Variants in CAND1 observed in about 807,000 individuals in gnomAD.
CAND1 encodes cullin-associated NEDD8-dissociated protein 1.
Under a neutral mutation model 108.5 loss-of-function variants are expected in CAND1, and 7 were observed. The ratio of observed to expected loss-of-function variants is 0.06; its 90% CI spans 0.04 to 0.12. CAND1 has a LOEUF of 0.12. Ranked by LOEUF, CAND1 falls within the 10% of genes least tolerant of loss-of-function variation. The pLI, the probability that CAND1 is intolerant of heterozygous loss-of-function variation, is 1.00. For missense variants in CAND1, 941 were observed against 1,448.7 expected (o/e 0.65, Z 5.69); for synonymous variants, 534 against 512.0 (o/e 1.04, Z -0.58).
intron 8 of CAND1, among the ~76,000 whole-genome samples, chr12:67,303,298 A>G (rs1051358648): frequency 1.3e-5 from 2 of 152,246 alleles, no homozygotes; most frequent in African/African-American, 2.4e-5. Flanking sequence ...CAAAACAGAT[A>G]TTGCCAGGGA....
intron 1 of CAND1, among the ~76,000 whole-genome samples, chr12:67,275,429 A>AGGCAGT (rs2044560046): frequency 2.0e-5 from 3 of 151,908 alleles, no homozygotes; most frequent in Non-Finnish European, 4.4e-5. Context: ...CGCGAGGCTG[A>AGGCAGT]GGCAGCAGAA....
In CAND1 at chr12:67,305,030, A is replaced by G. The variant is rs1054631425; in HGVS notation, c.1436-74A>G. On this transcript the variant is annotated intron_variant, in intron 9 of 14. Coordinates refer to ENST00000545606, the MANE Select transcript of CAND1 (RefSeq NM_018448.5). This position sits in a 1 kb window ranked among gnomAD's most constrained non-coding sequence, Gnocchi z 4.4. ...ATGAAGTGGGAACATTAGCAGTACT[A>G]TAGGGGTTGATTTTTAATTTTTCTT... The G allele has an allele frequency of 1.9e-5, 24 of 1,246,140 alleles. No individual in the cohort carries two copies. Among genetic ancestry groups the G allele is most frequent in the African/African-American group, 7.5e-5 (5 of 66,522 alleles). The allele number at this position is 1,246,140 out of a possible 1,614,324, so 77.2% of individuals were successfully genotyped here.
chr12:67,290,394 C>G (rs992952265), intron 2 of CAND1, among the ~76,000 whole-genome samples: 1 of 151,942 alleles, frequency 6.6e-6, no homozygotes, highest in Non-Finnish European at 1.5e-5. Flanking sequence ...ACTTGTAGTC[C>G]CAGCTACTTG....
Position 67,314,975 on chromosome 12 carries a change from G to A in CAND1, c.*2145G>A, listed in dbSNP as rs1242870635. On this transcript the variant is annotated 3_prime_UTR_variant, in exon 15 of 15. Coordinates refer to ENST00000545606, the MANE Select transcript of CAND1 (RefSeq NM_018448.5). ...GTGGTCCAGATACTGGAATGGAAGT[G>A]GCAGGATGTGGAGTCCAGACATAGT... 6.6e-6 allele frequency: 1 copy of A among 152,158 alleles called. No homozygotes were observed. Among genetic ancestry groups the A allele is most frequent in the African/African-American group, 2.4e-5 (1 of 41,426 alleles). The allele number at this position is 152,158 out of a possible 1,614,324, so 9.4% of individuals were successfully genotyped here.
intron 1 of CAND1, among the ~76,000 whole-genome samples, chr12:67,279,942 A>G (rs1033375742): frequency 2.0e-5 from 3 of 152,182 alleles, no homozygotes; most frequent in Non-Finnish European, 4.4e-5. Flanking sequence ...GTTTAAGTAA[A>G]ACAGTTAAGA....
chr12:67,292,613 G>T lies in CAND1; in HGVS notation c.213-9G>T, dbSNP rs754030557. On this transcript the variant is annotated splice_polypyrimidine_tract_variant and intron_variant, in intron 2 of 14. Coordinates refer to ENST00000545606, the MANE Select transcript of CAND1 (RefSeq NM_018448.5). ...GCTTTTTTTAAACAATTTCTTCTTT[G>T]TATTACAGTCTTGGTCCTTTAGTGA... is the stretch of plus-strand genomic sequence containing the variant. 1.3e-6 allele frequency: 2 copies of T among 1,583,062 alleles called. No individual in the cohort carries two copies. Among genetic ancestry groups the T allele is most frequent in the East Asian group, 2.3e-5 (1 of 44,172 alleles).
At chr12:67,294,554 C>G (rs2044751138) in intron 3 of CAND1, among the ~76,000 whole-genome samples, 1 of 152,126 alleles carries the variant, frequency 6.6e-6, no homozygotes, top group East Asian at 1.9e-4. Flanking sequence ...ACTACTGGCT[C>G]CATAGCTAGC....
At chr12:67,272,877 A>G (rs2044533834) in intron 1 of CAND1, among the ~76,000 whole-genome samples, 2 of 151,964 alleles carry the variant, frequency 1.3e-5, no homozygotes, top group South Asian at 4.1e-4. Flanking sequence ...TTTGTATTTT[A>G]GTCAAGACGG....
At chr12:67,288,790 G>A (rs1312958893) in intron 2 of CAND1, among the ~76,000 whole-genome samples, 1 of 152,176 alleles carries the variant, frequency 6.6e-6, no homozygotes, top group African/African-American at 2.4e-5. Context: ...GGCTATGTAG[G>A]CCTGGCAAGG....
intron 1 of CAND1, among the ~76,000 whole-genome samples, chr12:67,280,901 CAG>C (rs1174052757): frequency 6.6e-6 from 1 of 151,946 alleles, no homozygotes; most frequent in East Asian, 1.9e-4. Flanking sequence ...TGGGCGATGT[CAG>C]GGGGAAGAGC....
intron 14 of CAND1, 21 bp downstream of exon 14, chr12:67,311,821 A>C (rs375023237): frequency 1.4e-6 from 2 of 1,419,476 alleles, no homozygotes; most frequent in East Asian, 2.3e-5. Flanking sequence ...ATAAGTATCA[A>C]CCTAGGTCAG....
chr12:67,269,975 C>A (rs1253025485), intron 1 of CAND1, 190 bp downstream of exon 1: 1 of 548,988 alleles, frequency 1.8e-6, no homozygotes. Context: ...GCAACCCCCT[C>A]CCCCCATTCT....
chr12:67,302,558 A>C lies in CAND1; in HGVS notation c.1236A>C (p.Leu412=), dbSNP rs147083401. Residue 412 remains leucine, a synonymous_variant, in exon 8 of 15, where the codon CTA becomes CTC. Transcript: ENST00000545606. ...AAACTCGTCCTGTACAAAGTTGGCT[A>C]TGTGACCCTGATGCAATGGAGCAGG... ...LKQTRPVQSW[L]CDPDAMEQGE... The C allele has an allele frequency of 4.1e-4, 659 of 1,614,194 alleles. 14 individuals carry two copies. In the South Asian group the frequency reaches 6.6e-3, roughly 16 times the overall value.
At chr12:67,269,936 C>A in intron 1 of CAND1, 151 bp downstream of exon 1, 1 of 593,838 alleles carries the variant, frequency 1.7e-6, no homozygotes, top group Admixed American at 3.5e-5. Context: ...CCTCCCGATC[C>A]CTGCGGAGCC....
intron 2 of CAND1, among the ~76,000 whole-genome samples, chr12:67,285,813 G>T (rs942432781): frequency 6.6e-6 from 1 of 151,912 alleles, no homozygotes; most frequent in Non-Finnish European, 1.5e-5. Context: ...GGCTATTTTT[G>T]CTCTCATAAC....
chr12:67,272,044 A>T (rs946347067), intron 1 of CAND1, among the ~76,000 whole-genome samples: 1 of 152,162 alleles, frequency 6.6e-6, no homozygotes, highest in Non-Finnish European at 1.5e-5. Flanking sequence ...CCTTGTTCTC[A>T]TTAGAAGTTT....
Position 67,303,311 on chromosome 12 carries a change from A to G in CAND1, c.1293+696A>G, listed in dbSNP as rs2044844309. 2.6e-5 allele frequency among the ~76,000 whole-genome samples: 4 copies of G among 152,342 alleles called. No individual in the cohort carries two copies. In the South Asian group the frequency reaches 8.3e-4, roughly 32 times the overall value. On this transcript the variant is annotated intron_variant, in intron 8 of 14. Transcript: ENST00000545606. ...TACAAAACAGATATTGCCAGGGATT[A>G]AACCAGTGGAGAGGACGGGACACAC...
intron 3 of CAND1, among the ~76,000 whole-genome samples, chr12:67,293,342 T>C (rs1209073888): frequency 6.6e-6 from 1 of 152,216 alleles, no homozygotes; most frequent in African/African-American, 2.4e-5. Flanking sequence ...GTAATATAAA[T>C]TTTAGAATTG....
chr12:67,305,041 T>G lies in CAND1; in HGVS notation c.1436-63T>G. The G allele has an allele frequency of 3.5e-6, 5 of 1,416,958 alleles. No homozygotes were observed. The highest frequency in any genetic ancestry group is 3.8e-6 in the Non-Finnish European group (4 of 1,044,512). 87.8% of individuals were successfully genotyped at this position (1,416,958 alleles called of 1,614,324 possible). On this transcript the variant is annotated intron_variant, in intron 9 of 14. Coordinates refer to ENST00000545606, the MANE Select transcript of CAND1 (RefSeq NM_018448.5). The surrounding 1 kb of genome is among the most constrained non-coding windows in gnomAD (Gnocchi z 4.4). ...ACATTAGCAGTACTATAGGGGTTGA[T>G]TTTTAATTTTTCTTTCTTAAAAGTC...
Sources: allele counts gnomAD v4.1 joint callset (sites outside exome capture counted in the v4.1 genomes callset), GRCh38; gene constraint gnomAD v4.1.1; non-coding constraint Gnocchi (gnomAD v3.1); transcripts MANE v1.5; gene names NCBI Gene and HGNC (gene_info 2026-07-23, HGNC 2026-07-21).